CPO: variants seen among roughly 807,000 people sequenced by gnomAD.
CPO encodes the protein carboxypeptidase O.
Under a neutral mutation model 41.2 loss-of-function variants are expected in CPO, and 43 were observed. The ratio of observed to expected loss-of-function variants is 1.04; its 90% CI spans 0.82 to 1.35. The LOEUF is 1.35. Among genes scored for constraint, CPO ranks in the 40% most tolerant of loss-of-function variants. The pLI is 0.00. For synonymous variants in CPO, 178 were observed against 162.7 expected, an observed-to-expected ratio of 1.09 and a Z score of -0.72; for missense variants, 408 against 451.7, an observed-to-expected ratio of 0.90 and a Z score of 0.88.
intron 1 of CPO, among the ~76,000 whole-genome samples, chr2:206,945,780 T>C (rs1391748212): frequency 6.6e-6 from 1 of 151,768 alleles, no homozygotes. Context: ...ATTGAATAGA[T>C]AGTTAATTAG....
chr2:206,958,951 G>A (rs148119650), intron 4 of CPO, among the ~76,000 whole-genome samples: 1 of 151,632 alleles, frequency 6.6e-6, no homozygotes, highest in Non-Finnish European at 1.5e-5. Flanking sequence ...ATGTTGGTCA[G>A]ACTGGTCTGG....
chr2:206,946,087 A>G (rs986113301), intron 1 of CPO, among the ~76,000 whole-genome samples: 1 of 152,164 alleles, frequency 6.6e-6, no homozygotes, highest in Non-Finnish European at 1.5e-5. Context: ...ATTCTCTGCA[A>G]TGTCTTCCAG....
At chr2:206,954,330 ATC>A (rs1223975164) in intron 2 of CPO, among the ~76,000 whole-genome samples, 4 of 152,140 alleles carry the variant, frequency 2.6e-5, no homozygotes, top group African/African-American at 9.7e-5. Flanking sequence ...ACCCTAAATT[ATC>A]TCTCTCAAGT....
At chr2:206,944,115 G>A (rs1433242686) in intron 1 of CPO, among the ~76,000 whole-genome samples, 1 of 151,956 alleles carries the variant, frequency 6.6e-6, no homozygotes, top group Non-Finnish European at 1.5e-5. Flanking sequence ...AGAGTAGTAA[G>A]AATATATACC....
intron 5 of CPO, 67 bp downstream of exon 5, chr2:206,959,808 C>A (rs907860646): frequency 1.4e-6 from 1 of 725,574 alleles, no homozygotes; most frequent in Admixed American, 2.2e-5. Flanking sequence ...TTAATTTTTC[C>A]AATGTTATCC....
chr2:206,958,256 A>G, intron 3 of CPO, 45 bp from the exon 4 acceptor site: 1 of 1,046,224 alleles, frequency 9.6e-7, no homozygotes, highest in Non-Finnish European at 1.4e-6. Context: ...GTGGCTTACA[A>G]TAATCAGCAA....
chr2:206,968,054 G>A (rs991489499), intron 7 of CPO, among the ~76,000 whole-genome samples: 1 of 152,196 alleles, frequency 6.6e-6, no homozygotes, highest in Admixed American at 6.5e-5. Context: ...ATGAAAGTCA[G>A]AGCAGCCTTA....
In CPO at chr2:206,955,503, A is replaced by G; in HGVS notation, c.206A>G (p.Glu69Gly). ...WMREISEKYK[E>G]VVTQHFLGVT... ...AGAGAGATCAGTGAGAAGTACAAGG[A>G]AGTGGTGACACAGCATTTCCTAGGA... Residue 69 changes from glutamate (E) to glycine (G), a missense_variant, in exon 3 of 9, where the codon GAA becomes GGA. By Grantham distance (98) the Glu-to-Gly change is moderately conservative. Coordinates refer to ENST00000272852, the MANE Select transcript of CPO (RefSeq NM_173077.3). 1 of 1,611,884 alleles carries G rather than the reference A, an allele frequency of 6.2e-7. No individual in the cohort carries two copies. The highest frequency in any genetic ancestry group is 8.5e-7 in the Non-Finnish European group (1 of 1,177,898).
At chr2:206,958,827 C>T (rs543290716) in intron 4 of CPO, among the ~76,000 whole-genome samples, 20 of 149,234 alleles carry the variant, frequency 1.3e-4, no homozygotes, top group Non-Finnish European at 2.1e-4. Context: ...CTGCAACCTC[C>T]GCCTCCTGGG....
chr2:206,948,993 C>A (rs565996786), intron 1 of CPO, among the ~76,000 whole-genome samples: 1 of 151,568 alleles, frequency 6.6e-6, no homozygotes, highest in South Asian at 2.1e-4. Flanking sequence ...TGGGAACTAT[C>A]TGCATTTTCT....
At chr2:206,940,989 T>G (rs947201900) in intron 1 of CPO, among the ~76,000 whole-genome samples, 10 of 152,084 alleles carry the variant, frequency 6.6e-5, no homozygotes, top group South Asian at 2.1e-4. Flanking sequence ...TTATTTTCCT[T>G]TCTGAAATTC....
chr2:206,960,908 G>A lies in CPO; in HGVS notation c.540G>A (p.Thr180=), dbSNP rs539355992. Residue 180 remains threonine, a synonymous_variant, in exon 6 of 9, where the codon ACG becomes ACA. Coordinates refer to ENST00000272852, the MANE Select transcript of CPO (RefSeq NM_173077.3). Reference sequence around the variant, plus strand: ...ATAATAATGGCACATGTTTTGGGACGGATCTCAATCGAAATTTCAATGCAT... The same window carrying A: ...ATAATAATGGCACATGTTTTGGGACAGATCTCAATCGAAATTTCAATGCAT... ...SPHNNGTCFG[T]DLNRNFNASW... The A allele has an allele frequency of 1.3e-5, 21 of 1,613,558 alleles. No individual in the cohort carries two copies. The highest frequency in any genetic ancestry group is 1.7e-4 in the Middle Eastern group (1 of 6,058).
At chr2:206,941,454 C>T (rs1041520859) in intron 1 of CPO, among the ~76,000 whole-genome samples, 1 of 151,986 alleles carries the variant, frequency 6.6e-6, no homozygotes, top group East Asian at 1.9e-4. Flanking sequence ...TATTTTCTCC[C>T]TTCCCTCAAC....
At chr2:206,944,068 T>G (rs1693096161) in intron 1 of CPO, among the ~76,000 whole-genome samples, 1 of 152,082 alleles carries the variant, frequency 6.6e-6, no homozygotes, top group Non-Finnish European at 1.5e-5. Context: ...AAATAAATCT[T>G]CTTTTCAATT....
intron 7 of CPO, among the ~76,000 whole-genome samples, chr2:206,962,982 C>T (rs988596489): frequency 6.6e-6 from 1 of 152,224 alleles, no homozygotes; most frequent in Non-Finnish European, 1.5e-5. Flanking sequence ...CTTTCAAGAA[C>T]TTGCCAGCTG....
chr2:206,967,130 G>A (rs747170489), intron 7 of CPO, among the ~76,000 whole-genome samples: 50 of 152,068 alleles, frequency 3.3e-4, no homozygotes, highest in Non-Finnish European at 6.0e-4. Flanking sequence ...GGGATATTCC[G>A]TCCGACAGGT....
chr2:206,940,902 T>A (rs1693017293), intron 1 of CPO, among the ~76,000 whole-genome samples: 1 of 152,124 alleles, frequency 6.6e-6, no homozygotes, highest in South Asian at 2.1e-4. Context: ...CCAGGATCTC[T>A]GTGATATCAA....
chr2:206,964,112 A>T (rs1219132701), intron 7 of CPO, among the ~76,000 whole-genome samples: 1 of 151,550 alleles, frequency 6.6e-6, no homozygotes, highest in Admixed American at 6.6e-5. Flanking sequence ...CTGATGACCT[A>T]TTGGTTAGGT....
At chr2:206,950,955 A>G (rs7607191) in intron 2 of CPO, among the ~76,000 whole-genome samples, 29,884 of 151,384 alleles carry the variant, frequency 0.2, 3,011 homozygotes, top group Middle Eastern at 0.3. Flanking sequence ...GGGGAGGGAT[A>G]GCATTAGGAG....
Sources: gnomAD v4.1 joint callset for allele counts (sites outside exome capture counted in the v4.1 genomes callset) on GRCh38, gnomAD v4.1.1 for gene constraint, MANE v1.5 for transcripts, NCBI Gene and HGNC (gene_info 2026-07-23, HGNC 2026-07-21) for gene names.